Variants in SLC44A1 observed in about 807,000 individuals in gnomAD.
SLC44A1 encodes choline transporter-like protein 1.
In SLC44A1, 26 loss-of-function variants were observed where a neutral mutation model predicts 79.3. The observed-to-expected ratio is 0.33, with a 90% CI of 0.24 to 0.46. The LOEUF (loss-of-function observed/expected upper bound fraction) is 0.46. Among genes scored for constraint, SLC44A1 ranks in the 20% least tolerant of loss-of-function variants. The pLI, the probability that SLC44A1 is intolerant of heterozygous loss-of-function variation, is 1.00. For missense variants in SLC44A1, 688 were observed against 798.1 expected (o/e 0.86, Z 1.66); for synonymous variants, 263 against 286.2 (o/e 0.92, Z 0.82).
At position 105,392,742 on chromosome 9, in the gene SLC44A1, A is replaced by G; in HGVS notation, c.*3686A>G. 1 of 985,372 alleles carries G rather than the reference A, an allele frequency of 1.0e-6. No individual in the cohort carries two copies. The allele number at this position is 985,372 out of a possible 1,614,324, so 61.0% of individuals were successfully genotyped here. A position where few individuals can be genotyped will look rare whatever the true frequency, so the allele number is the denominator to read the frequency against. ...TAACAGCCATTTTAAGAGATCTCCT[A>G]GCCTGCAAGGTAGAATTCTGGGATC... On this transcript the variant is annotated 3_prime_UTR_variant, in exon 16 of 16. Coordinates refer to ENST00000374720, the MANE Select transcript of SLC44A1 (RefSeq NM_080546.5).
At chr9:105,267,187 T>A (rs1829981306) in intron 1 of SLC44A1, among the ~76,000 whole-genome samples, 1 of 152,232 alleles carries the variant, frequency 6.6e-6, no homozygotes, top group South Asian at 2.1e-4. Context: ...TTCCTCAGAA[T>A]TTTAAATGAG....
At chr9:105,258,067 G>T (rs982368585) in intron 1 of SLC44A1, among the ~76,000 whole-genome samples, 1 of 152,196 alleles carries the variant, frequency 6.6e-6, no homozygotes, top group Admixed American at 6.5e-5. Flanking sequence ...TTATTGTGGA[G>T]TCAAAATAAA....
chr9:105,385,303 T>C, intron 14 of SLC44A1, 119 bp from the exon 15 acceptor site: 2 of 693,304 alleles, frequency 2.9e-6, no homozygotes, highest in South Asian at 1.9e-5. Context: ...TTTATTGCTA[T>C]GTTTTTAAGC....
At chr9:105,295,349 G>A (rs1258414734) in intron 1 of SLC44A1, among the ~76,000 whole-genome samples, 2 of 152,158 alleles carry the variant, frequency 1.3e-5, no homozygotes, top group African/African-American at 4.8e-5. Context: ...CTGTGAAGGG[G>A]AGAGACCTAA....
chr9:105,258,239 G>A, intron 1 of SLC44A1, among the ~76,000 whole-genome samples: 1 of 152,174 alleles, frequency 6.6e-6, no homozygotes, highest in East Asian at 1.9e-4. Flanking sequence ...AATTTTGTAT[G>A]GACTGACTGG....
intron 5 of SLC44A1, among the ~76,000 whole-genome samples, chr9:105,352,211 G>C (rs1428999092): frequency 1.3e-5 from 2 of 152,178 alleles, no homozygotes; most frequent in African/African-American, 4.8e-5. Context: ...GTACTATAGA[G>C]ATATTGCCAG....
chr9:105,380,745 C>T (rs1280241747), intron 13 of SLC44A1, among the ~76,000 whole-genome samples: 2 of 152,114 alleles, frequency 1.3e-5, no homozygotes, highest in Non-Finnish European at 2.9e-5. Context: ...TCTCCATCCA[C>T]CATGGAGATC....
chr9:105,270,079 T>A (rs775282068), intron 1 of SLC44A1, among the ~76,000 whole-genome samples: 2 of 152,138 alleles, frequency 1.3e-5, no homozygotes, highest in Admixed American at 6.6e-5. Flanking sequence ...TTGAAAAAAA[T>A]ATCTTTTCCC....
At chr9:105,402,072 A>G (rs1358230143), downstream of SLC44A1, among the ~76,000 whole-genome samples, 1 of 152,246 alleles carries the variant, frequency 6.6e-6, no homozygotes, top group Non-Finnish European at 1.5e-5. Flanking sequence ...AACAGAAGTC[A>G]TTCAGGATGT....
chr9:105,271,433 C>A (rs147450653), intron 1 of SLC44A1, among the ~76,000 whole-genome samples: 96 of 152,190 alleles, frequency 6.3e-4, no homozygotes, highest in African/African-American at 2.2e-3. Flanking sequence ...GGAATTTGGT[C>A]TTAAAGGATG....
At chr9:105,272,893 A>G (rs1380286776) in intron 1 of SLC44A1, among the ~76,000 whole-genome samples, 1 of 152,072 alleles carries the variant, frequency 6.6e-6, no homozygotes, top group Non-Finnish European at 1.5e-5. Flanking sequence ...AATAAAAAGA[A>G]AAGTAAATAT....
Position 105,390,890 on chromosome 9 carries a change from A to C in SLC44A1, c.*1834A>C. Reference sequence around the variant, plus strand: ...ATAATTCTCCAGAAGTTAACATCTAATATCTAGTATCACCAAACAGTATCG... The same window carrying C: ...ATAATTCTCCAGAAGTTAACATCTACTATCTAGTATCACCAAACAGTATCG... On this transcript the variant is annotated 3_prime_UTR_variant, in exon 16 of 16. Coordinates refer to ENST00000374720, the MANE Select transcript of SLC44A1 (RefSeq NM_080546.5). The C allele has an allele frequency of 7.1e-6, 7 of 983,888 alleles. No individual in the cohort carries two copies. The highest frequency in any genetic ancestry group is 8.5e-6 in the Non-Finnish European group (7 of 828,200). The allele number at this position is 983,888 out of a possible 1,614,324, so 60.9% of individuals were successfully genotyped here.
intron 1 of SLC44A1, among the ~76,000 whole-genome samples, chr9:105,297,502 G>T (rs1830756125): frequency 6.6e-6 from 1 of 152,128 alleles, no homozygotes. Flanking sequence ...TCCTGCCTCA[G>T]CCTCCCAAGT....
At chr9:105,308,295 C>G (rs114621307) in intron 2 of SLC44A1, among the ~76,000 whole-genome samples, 147 of 152,274 alleles carry the variant, frequency 9.7e-4, no homozygotes, top group African/African-American at 3.3e-3. Context: ...TGAGCTCTTA[C>G]TATATGCCAG....
Position 105,391,214 on chromosome 9 carries a change from T to C in SLC44A1, c.*2158T>C, listed in dbSNP as rs1828755461. On this transcript the variant is annotated 3_prime_UTR_variant, in exon 16 of 16. Coordinates refer to ENST00000374720, the MANE Select transcript of SLC44A1 (RefSeq NM_080546.5). ...TACTCACTTGGACATCCCTGCATCATGGACTGTTGCTGCTCCCTGTTCCAT... is the reference window on the plus strand; with the variant it reads ...TACTCACTTGGACATCCCTGCATCACGGACTGTTGCTGCTCCCTGTTCCAT... 1 of 985,692 alleles carries C rather than the reference T, an allele frequency of 1.0e-6. No individual in the cohort carries two copies. Among genetic ancestry groups the C allele is most frequent in the African/African-American group, 1.7e-5 (1 of 57,246 alleles). 61.1% of individuals were successfully genotyped at this position (985,692 alleles called of 1,614,324 possible). A position where few individuals can be genotyped will look rare whatever the true frequency, so the allele number is the denominator to read the frequency against.
rs1828710546 is a variant in SLC44A1, at chr9:105,389,490, T to C, written c.*434T>C. 9.6e-7 allele frequency: 1 copy of C among 1,039,150 alleles called. No homozygotes were observed. The highest frequency in any genetic ancestry group is 1.2e-6 in the Non-Finnish European group (1 of 864,754). The allele number at this position is 1,039,150 out of a possible 1,614,324, so 64.4% of individuals were successfully genotyped here. On this transcript the variant is annotated 3_prime_UTR_variant, in exon 16 of 16. Coordinates refer to ENST00000374720, the MANE Select transcript of SLC44A1 (RefSeq NM_080546.5). Reference sequence around the variant, plus strand: ...ATGTCTGTATAAAATCAAGATCTTATTTTACTGATGCATAAGTCCTAGTGG... The same window carrying C: ...ATGTCTGTATAAAATCAAGATCTTACTTTACTGATGCATAAGTCCTAGTGG...
intron 13 of SLC44A1, among the ~76,000 whole-genome samples, chr9:105,380,685 G>A (rs1243024254): frequency 6.6e-6 from 1 of 152,058 alleles, no homozygotes. Context: ...GAAGTCCCAG[G>A]TGATCCTGTT....
intron 2 of SLC44A1, among the ~76,000 whole-genome samples, chr9:105,305,220 T>C (rs994752682): frequency 6.6e-6 from 1 of 151,950 alleles, no homozygotes; most frequent in East Asian, 1.9e-4. Flanking sequence ...TTCTCCCACC[T>C]CAGCCTCCCA....
intron 3 of SLC44A1, among the ~76,000 whole-genome samples, chr9:105,324,898 G>A (rs963807481): frequency 2.0e-5 from 3 of 152,214 alleles, no homozygotes; most frequent in Admixed American, 2.0e-4. Context: ...ATACGTTGCT[G>A]CTGGGAATGT....
Sources: allele counts gnomAD v4.1 joint callset (sites outside exome capture counted in the v4.1 genomes callset), GRCh38; gene constraint gnomAD v4.1.1; transcripts MANE v1.5; gene names NCBI Gene and HGNC (gene_info 2026-07-23, HGNC 2026-07-21).